Variants in KIAA1328 observed in about 807,000 individuals in gnomAD.
KIAA1328 encodes KIAA1328, also known as protein hinderin.
KIAA1328 carries 52 observed loss-of-function variants against 68.1 expected under a neutral mutation model. That is an observed-to-expected ratio of 0.76 (90% CI 0.61 to 0.96). The LOEUF is 0.96. KIAA1328 is among the 40% of genes least tolerant of loss of function. The pLI, the probability that KIAA1328 is intolerant of heterozygous loss-of-function variation, is 0.00. For synonymous variants in KIAA1328, 232 were observed against 239.4 expected (o/e 0.97, Z 0.28); for missense variants, 641 against 677.6 (o/e 0.95, Z 0.60).
At chr18:36,873,076 TC>T (rs1002258033) in intron 4 of KIAA1328, among the ~76,000 whole-genome samples, 15 of 152,228 alleles carry the variant, frequency 9.9e-5, no homozygotes, top group Non-Finnish European at 2.9e-5. Flanking sequence ...TTTGGAATTT[TC>T]TCAGAAGACA....
chr18:37,130,942 C>A (rs745979599), intron 7 of KIAA1328, among the ~76,000 whole-genome samples: 8 of 152,036 alleles, frequency 5.3e-5, no homozygotes, highest in African/African-American at 9.7e-5. Context: ...TTTGTCATAA[C>A]CCCAGTATCA....
intron 4 of KIAA1328, among the ~76,000 whole-genome samples, chr18:36,852,179 A>C (rs182979352): frequency 4.3e-4 from 66 of 152,070 alleles, no homozygotes; most frequent in African/African-American, 1.5e-3. Flanking sequence ...ATATATTGAG[A>C]CTTGTTTTAT....
intron 7 of KIAA1328, among the ~76,000 whole-genome samples, chr18:37,131,730 GA>G (rs1010537705): frequency 7.0e-4 from 106 of 151,570 alleles, no homozygotes; most frequent in African/African-American, 2.5e-3. Context: ...ATTATATGAG[GA>G]AAAAAAAGAC....
At chr18:37,106,470 G>A (rs1216788949) in intron 7 of KIAA1328, among the ~76,000 whole-genome samples, 1 of 151,010 alleles carries the variant, frequency 6.6e-6, no homozygotes, top group Non-Finnish European at 1.5e-5. Context: ...CCAGGCTGGA[G>A]TGCAGTGGCG....
At chr18:36,865,368 C>T (rs567087901) in intron 4 of KIAA1328, among the ~76,000 whole-genome samples, 18 of 151,970 alleles carry the variant, frequency 1.2e-4, no homozygotes, top group Middle Eastern at 3.4e-3. Flanking sequence ...AGATTTTTCT[C>T]GTCTTTCTAT....
chr18:37,056,255 T>TATAC (rs1199616355), intron 6 of KIAA1328, among the ~76,000 whole-genome samples: 4 of 152,240 alleles, frequency 2.6e-5, no homozygotes, highest in African/African-American at 4.8e-5. Flanking sequence ...TACAAGATCA[T>TATAC]ATACATATTT....
chr18:37,230,467 G>A (rs1220630793), downstream of KIAA1328: 2 of 152,108 alleles, frequency 1.3e-5, no homozygotes, highest in Non-Finnish European at 2.9e-5. Context: ...TACTTACTGT[G>A]CTGGAATGGC....
intron 7 of KIAA1328, among the ~76,000 whole-genome samples, chr18:37,149,561 A>C (rs567347179): frequency 2.6e-4 from 40 of 152,318 alleles, no homozygotes; most frequent in South Asian, 1.4e-3. Flanking sequence ...AATGGGATCT[A>C]ATTAGAGCAT....
At chr18:36,926,383 CTATTTA>C (rs1341896709) in intron 5 of KIAA1328, among the ~76,000 whole-genome samples, 4 of 147,024 alleles carry the variant, frequency 2.7e-5, no homozygotes, top group Non-Finnish European at 6.0e-5. Flanking sequence ...CTCTCTCTCT[CTATTTA>C]TTTATTTATT....
intron 6 of KIAA1328, among the ~76,000 whole-genome samples, chr18:36,961,322 G>A (rs1464403068): frequency 6.6e-6 from 1 of 152,200 alleles, no homozygotes; most frequent in African/African-American, 2.4e-5. Flanking sequence ...TATGTGAAAA[G>A]ACCAAATCTA....
chr18:37,077,744 T>A (rs2056795187), intron 7 of KIAA1328, among the ~76,000 whole-genome samples: 1 of 141,240 alleles, frequency 7.1e-6, no homozygotes, highest in African/African-American at 2.9e-5. Flanking sequence ...TCAAAGAGAA[T>A]AAAATACCTA....
intron 1 of KIAA1328, chr18:36,833,286 G>GTGACA (rs1222241933): frequency 6.6e-6 from 1 of 152,126 alleles, no homozygotes; most frequent in Non-Finnish European, 1.5e-5. Context: ...CAATCAGAAG[G>GTGACA]TGACATGACA....
At chr18:37,182,084 C>T (rs940266089) in intron 9 of KIAA1328, among the ~76,000 whole-genome samples, 2 of 152,132 alleles carry the variant, frequency 1.3e-5, no homozygotes, top group South Asian at 2.1e-4. Context: ...CTGAAAACTG[C>T]TATGAATGGT....
At chr18:36,916,858 C>T (rs1197895195) in intron 5 of KIAA1328, among the ~76,000 whole-genome samples, 1 of 151,880 alleles carries the variant, frequency 6.6e-6, no homozygotes, top group Non-Finnish European at 1.5e-5. Context: ...AAGTAATCCT[C>T]CCACCTCAAC....
At chr18:37,071,501 C>T (rs994482144) in intron 7 of KIAA1328, among the ~76,000 whole-genome samples, 4 of 151,960 alleles carry the variant, frequency 2.6e-5, no homozygotes, top group African/African-American at 9.6e-5. Context: ...AAAACTATTA[C>T]AAATAAAAAA....
chr18:37,097,068 C>A (rs2057433644), intron 7 of KIAA1328, among the ~76,000 whole-genome samples: 1 of 152,154 alleles, frequency 6.6e-6, no homozygotes, highest in Non-Finnish European at 1.5e-5. Flanking sequence ...TGCAGAAGCT[C>A]TTTAGTTTGA....
chr18:37,215,360 G>GT (rs2060407901), intron 9 of KIAA1328, among the ~76,000 whole-genome samples: 1 of 340 alleles, frequency 2.9e-3, no homozygotes, highest in Non-Finnish European at 5.4e-3. Flanking sequence ...TTAGTATGAA[G>GT]GCTGTTGAAT....
chr18:36,995,679 T>A (rs972666550), intron 6 of KIAA1328, among the ~76,000 whole-genome samples: 12 of 152,234 alleles, frequency 7.9e-5, no homozygotes, highest in Admixed American at 7.9e-4. Flanking sequence ...TACAATGAAC[T>A]GCTGTGTTGA....
At chr18:36,855,277 T>G (rs2047346211) in intron 4 of KIAA1328, among the ~76,000 whole-genome samples, 3 of 152,194 alleles carry the variant, frequency 2.0e-5, no homozygotes, top group African/African-American at 2.4e-5. Context: ...CTACCATCAA[T>G]GTACAAGGAT....
Sources: allele counts gnomAD v4.1 joint callset (sites outside exome capture counted in the v4.1 genomes callset), GRCh38; gene constraint gnomAD v4.1.1; transcripts MANE v1.5; gene names NCBI Gene and HGNC (gene_info 2026-07-23, HGNC 2026-07-21).